The following MYCT1 variants were observed in gnomAD, a reference collection of about 807,000 sequenced individuals.
MYCT1 encodes the protein myc target protein 1.
MYCT1 carries 12 observed loss-of-function variants against 15.0 expected under a neutral mutation model. The ratio of observed to expected loss-of-function variants is 0.80; its 90% CI spans 0.51 to 1.29. The LOEUF (loss-of-function observed/expected upper bound fraction) is 1.29. Ranked by LOEUF, MYCT1 falls within the 50% of genes most tolerant of loss-of-function variation. The pLI is 0.00. For synonymous variants in MYCT1, 104 were observed against 102.7 expected (o/e 1.01, Z -0.07); for missense variants, 287 against 279.1 (o/e 1.03, Z -0.20).
the MYCT1 span, among the ~76,000 whole-genome samples, chr6:152,730,229 A>G: frequency 2.0e-5 from 3 of 152,164 alleles, no homozygotes; most frequent in Non-Finnish European, 2.9e-5. Flanking sequence ...GTATGCTAGC[A>G]TCTAATTATG....
At chr6:152,704,354 A>G (rs1210905097) in intron 1 of MYCT1, among the ~76,000 whole-genome samples, 1 of 152,176 alleles carries the variant, frequency 6.6e-6, no homozygotes, top group Non-Finnish European at 1.5e-5. Flanking sequence ...TCAAATGGTC[A>G]TGTAAGTGTA....
chr6:152,729,872 A>G, the MYCT1 span, among the ~76,000 whole-genome samples: 3 of 152,166 alleles, frequency 2.0e-5, no homozygotes, highest in African/African-American at 7.2e-5. Context: ...TGGCCTTTGC[A>G]AAGTGTTTTG....
chr6:152,722,150 T>G lies in MYCT1; in HGVS notation c.605T>G (p.Leu202Arg). The G allele has an allele frequency of 1.2e-6, 2 of 1,614,206 alleles. No homozygotes were observed. The highest frequency in any genetic ancestry group is 1.7e-6 in the Non-Finnish European group (2 of 1,180,026). ...ISPTISTSHSLSRPDYWSSNS... is the reference protein window; with the variant it reads ...ISPTISTSHSRSRPDYWSSNS... Reference sequence around the variant, plus strand: ...CCCACCATCAGCACTTCCCACAGTCTGAGCCGTCCTGACTACTGGTCCAGT... The same window carrying G: ...CCCACCATCAGCACTTCCCACAGTCGGAGCCGTCCTGACTACTGGTCCAGT... The change falls in exon 2 of 2, where the codon CTG becomes CGG. Residue 202 changes from leucine (L) to arginine (R), a missense_variant. Physicochemically the swap from Leu to Arg is moderately radical, Grantham distance 102 (BLOSUM62 -2). Transcript: ENST00000367245.
intron 1 of MYCT1, among the ~76,000 whole-genome samples, chr6:152,714,154 CTCTG>C (rs1159624225): frequency 1.3e-5 from 2 of 151,992 alleles, no homozygotes; most frequent in East Asian, 1.9e-4. Flanking sequence ...TTCTCTTTCT[CTCTG>C]TCTCTTTCTC....
Position 152,724,501 on chromosome 6 carries a change from A to G in MYCT1, c.*2248A>G, listed in dbSNP as rs1047692226. On this transcript the variant is annotated 3_prime_UTR_variant, in exon 2 of 2. Coordinates refer to ENST00000367245, the MANE Select transcript of MYCT1 (RefSeq NM_025107.3). ...AATGTGAAATTAAAGCAAAAACTGG[A>G]GACTTTTAATGTATTTCTTTAATTT... 1.3e-5 allele frequency: 2 copies of G among 152,176 alleles called. No homozygotes were observed. Among genetic ancestry groups the G allele is most frequent in the Admixed American group, 6.5e-5 (1 of 15,268 alleles). The allele number at this position is 152,176 out of a possible 1,614,324, so 9.4% of individuals were successfully genotyped here. A position where few individuals can be genotyped will look rare whatever the true frequency, so the allele number is the denominator to read the frequency against.
downstream of MYCT1, among the ~76,000 whole-genome samples, chr6:152,727,648 G>A (rs2099725901): frequency 6.6e-6 from 1 of 152,200 alleles, no homozygotes; most frequent in African/African-American, 2.4e-5. Flanking sequence ...TGTAAGGTAT[G>A]TTGGGGAAAG....
intron 1 of MYCT1, among the ~76,000 whole-genome samples, chr6:152,702,882 A>G (rs1311530169): frequency 6.6e-6 from 1 of 152,222 alleles, no homozygotes; most frequent in Non-Finnish European, 1.5e-5. Context: ...CATCAGAATT[A>G]CTAAGAATTA....
Position 152,698,042 on chromosome 6 carries a change from A to C in MYCT1, c.140A>C (p.Asp47Ala), listed in dbSNP as rs74296613. The change falls in exon 1 of 2, where the codon GAT becomes GCT. Residue 47 changes from aspartate to alanine, a missense_variant. Transcript: ENST00000367245. ...CTTCTCTTTCTTCTATTTCTTGTGG[A>C]TATTATGGCTAATAACACAACAAGT... ...VFLLFLLFLV[D>A]IMANNTTSLG... The C allele has an allele frequency of 1.2e-6, 2 of 1,608,092 alleles. No individual in the cohort carries two copies. The highest frequency in any genetic ancestry group is 4.5e-5 in the East Asian group (2 of 44,550).
intron 1 of MYCT1, among the ~76,000 whole-genome samples, chr6:152,702,007 G>C (rs1197900571): frequency 6.6e-6 from 1 of 152,112 alleles, no homozygotes; most frequent in African/African-American, 2.4e-5. Context: ...ATACCCAAGG[G>C]TTCTCAGAGC....
the MYCT1 span, among the ~76,000 whole-genome samples, chr6:152,742,900 C>G: frequency 2.0e-5 from 3 of 152,150 alleles, no homozygotes; most frequent in Admixed American, 6.5e-5. Flanking sequence ...TTTCTCATTT[C>G]CTTAGTAAGA....
intron 1 of MYCT1, 124 bp downstream of exon 1, chr6:152,698,222 T>C (rs2099720745): frequency 2.3e-6 from 1 of 432,182 alleles, no homozygotes; most frequent in East Asian, 3.9e-5. Context: ...ACTTAAAGTT[T>C]TCATGTTTAT....
At chr6:152,737,983 C>T in the MYCT1 span, among the ~76,000 whole-genome samples, 1 of 152,024 alleles carries the variant, frequency 6.6e-6, no homozygotes, top group Non-Finnish European at 1.5e-5. Flanking sequence ...AGGAATTTAT[C>T]CCAATCAAAT....
intron 1 of MYCT1, among the ~76,000 whole-genome samples, chr6:152,717,019 A>T (rs1266920570): frequency 1.3e-5 from 2 of 152,034 alleles, no homozygotes; most frequent in African/African-American, 2.4e-5. Flanking sequence ...ACTAGGTTTT[A>T]AAAAAGGCTC....
chr6:152,726,227 T>C (rs1027489063), downstream of MYCT1, among the ~76,000 whole-genome samples: 1 of 151,922 alleles, frequency 6.6e-6, no homozygotes, highest in Non-Finnish European at 1.5e-5. Context: ...AGAAACCCTG[T>C]CTCTACTAAA....
At chr6:152,741,394 A>C in the MYCT1 span, among the ~76,000 whole-genome samples, 1 of 152,176 alleles carries the variant, frequency 6.6e-6, no homozygotes, top group Non-Finnish European at 1.5e-5. Flanking sequence ...TGCAAAAATA[A>C]ACATCAAAAA....
chr6:152,698,098 G>T lies in MYCT1; in HGVS notation c.196G>T (p.Glu66Ter). ...GAGTCCATGGCCAGAAAACTTTTGGGGTAAGGTATTTTCTTTTACTGTTTA... is the reference window on the plus strand; with the variant it reads ...GAGTCCATGGCCAGAAAACTTTTGGTGTAAGGTATTTTCTTTTACTGTTTA... ...LGSPWPENFWEDLIMSFTVSM... is the reference protein window; with the variant it reads ...LGSPWPENFW The change falls in exon 1 of 2, where the codon GAG (glutamate) becomes TAG (stop). Residue 66 changes from glutamate (E) to a stop codon, truncating the protein, a stop_gained and splice_region_variant. Coordinates refer to ENST00000367245, the MANE Select transcript of MYCT1 (RefSeq NM_025107.3). LOFTEE classifies it high-confidence loss of function. The T allele has an allele frequency of 6.5e-7, 1 of 1,534,354 alleles. No individual in the cohort carries two copies.
At chr6:152,734,399 T>C in the MYCT1 span, among the ~76,000 whole-genome samples, 1 of 152,212 alleles carries the variant, frequency 6.6e-6, no homozygotes, top group East Asian at 1.9e-4. Context: ...AGTGAGGAGA[T>C]GCTCATGTGT....
intron 1 of MYCT1, among the ~76,000 whole-genome samples, chr6:152,712,139 G>A (rs2099722892): frequency 1.3e-4 from 1 of 7,664 alleles, no homozygotes; most frequent in African/African-American, 3.0e-4. Context: ...TCATTCAGGA[G>A]CAGGTTGTTC....
downstream of MYCT1, among the ~76,000 whole-genome samples, chr6:152,725,426 A>G (rs1565396988): frequency 6.6e-6 from 1 of 152,204 alleles, no homozygotes; most frequent in African/African-American, 2.4e-5. Context: ...ACACTCTAGT[A>G]GTTTTTTCTA....
Sources: allele counts gnomAD v4.1 joint callset (sites outside exome capture counted in the v4.1 genomes callset), GRCh38; gene constraint gnomAD v4.1.1; transcripts MANE v1.5; gene names NCBI Gene and HGNC (gene_info 2026-07-23, HGNC 2026-07-21).